DYSF: variants seen among roughly 807,000 people sequenced by gnomAD.
DYSF encodes dystrophy-associated fer-1-like 1.
In DYSF, 212 loss-of-function variants were observed where a neutral mutation model predicts 274.9. The ratio of observed to expected loss-of-function variants is 0.77; its 90% confidence interval spans 0.69 to 0.86. DYSF has a LOEUF of 0.86. Ranked by LOEUF, DYSF falls within the 40% of genes least tolerant of loss-of-function variation. The pLI, the probability that DYSF is intolerant of heterozygous loss-of-function variation, is 0.00. For missense variants in DYSF, 2,666 were observed against 2,783.2 expected (o/e 0.96, Z 0.95); for synonymous variants, 1,091 against 1,078.7 (o/e 1.01, Z -0.22).
At chr2:71,553,483 G>C (rs912350115) in intron 20 of DYSF, among the ~76,000 whole-genome samples, 4 of 152,292 alleles carry the variant, frequency 2.6e-5, no homozygotes, top group African/African-American at 9.6e-5. Flanking sequence ...TGTGGCCTTG[G>C]GTTTCCCAGG....
chr2:71,496,039 T>G (rs1011135653), intron 3 of DYSF, among the ~76,000 whole-genome samples: 6 of 151,468 alleles, frequency 4.0e-5, no homozygotes, highest in Non-Finnish European at 8.8e-5. Flanking sequence ...CTCTTCCACC[T>G]CCCCTCCCTC....
At chr2:71,485,573 G>A (rs1447239414) in intron 3 of DYSF, among the ~76,000 whole-genome samples, 3 of 152,126 alleles carry the variant, frequency 2.0e-5, no homozygotes, top group South Asian at 2.1e-4. Context: ...AGGCAGGTGC[G>A]ATGCCTCAGG....
chr2:71,516,865 A>T, intron 9 of DYSF, 124 bp from the exon 10 acceptor site: 1 of 893,788 alleles, frequency 1.1e-6, no homozygotes, highest in Non-Finnish European at 1.9e-6. Flanking sequence ...TGCTTAGAAC[A>T]GTCTCTGGAA....
At chr2:71,577,631 C>T (rs926314251) in intron 30 of DYSF, among the ~76,000 whole-genome samples, 1 of 151,906 alleles carries the variant, frequency 6.6e-6, no homozygotes, top group Non-Finnish European at 1.5e-5. Flanking sequence ...GACATACACT[C>T]TCTTACACTC....
Position 71,553,882 on chromosome 2 carries a change from G to T in DYSF, c.2060G>T (p.Ser687Ile). 6.2e-7 allele frequency: 1 copy of T among 1,614,134 alleles called. No individual in the cohort carries two copies. Among genetic ancestry groups the T allele is most frequent in the South Asian group, 1.1e-5 (1 of 91,086 alleles). Reference sequence around the variant, plus strand: ...CTGTCATCCTACTGGGAGGACATCAGCCATAGAATCGAGACTCAGAACCAG... The same window carrying T: ...CTGTCATCCTACTGGGAGGACATCATCCATAGAATCGAGACTCAGAACCAG... The part of the protein sequence containing the change: ...VVLSSYWEDI[S>I]HRIETQNQLL... The change falls in exon 21 of 56, where the codon AGC becomes ATC. Residue 687 changes from serine to isoleucine, a missense_variant. Physicochemically the swap from Ser to Ile is moderately radical, Grantham distance 142. Around this residue, in one of 3 missense-constraint regions of DYSF, gnomAD observed 412 missense variants for 504.0 expected, o/e 0.82. Coordinates refer to ENST00000410020, the MANE Select transcript of DYSF (RefSeq NM_001130987.2).
At position 71,667,405 on chromosome 2, in the gene DYSF, G is replaced by A. The variant is rs759748127; in HGVS notation, c.5347G>A (p.Gly1783Ser). ...EAGRIPNPHLGPVEERLALHV... is the reference protein window; with the variant it reads ...EAGRIPNPHLSPVEERLALHV... ...TGGCAGGATCCCAAACCCACACCTGGGCCCAGTGGAGGAGCGTCTGGCTCT... is the reference window on the plus strand; with the variant it reads ...TGGCAGGATCCCAAACCCACACCTGAGCCCAGTGGAGGAGCGTCTGGCTCT... The change falls in exon 48 of 56, where the codon GGC becomes AGC. Residue 1783 changes from glycine (G) to serine (S), a missense_variant. By Grantham distance (56) the Gly-to-Ser change is moderately conservative. Coordinates refer to ENST00000410020, the MANE Select transcript of DYSF (RefSeq NM_001130987.2). 1 of 1,614,116 alleles carries A rather than the reference G, an allele frequency of 6.2e-7. No individual in the cohort carries two copies. The highest frequency in any genetic ancestry group is 1.7e-5 in the Admixed American group (1 of 60,018).
At chr2:71,549,470 A>G in intron 17 of DYSF, 1 of 1,444,154 alleles carries the variant, frequency 6.9e-7, no homozygotes, top group South Asian at 1.2e-5. Flanking sequence ...TGCTGGAGGC[A>G]TGGGGTTTTT....
chr2:71,580,203 TTGGCAGTCCTG>T (rs995376318), intron 30 of DYSF, among the ~76,000 whole-genome samples: 3 of 152,226 alleles, frequency 2.0e-5, no homozygotes, highest in African/African-American at 7.2e-5. Flanking sequence ...GCCAGGCAGC[TTGGCAGTCCTG>T]GGGCAGTCGG....
chr2:71,585,581 C>T (rs1297110391), intron 30 of DYSF, among the ~76,000 whole-genome samples: 1 of 152,206 alleles, frequency 6.6e-6, no homozygotes, highest in Non-Finnish European at 1.5e-5. Flanking sequence ...CCAGAATGTA[C>T]TTCAAAATCA....
rs777701226 is a variant in DYSF at position 71,665,194 on chromosome 2, G to A, written c.5207G>A (p.Arg1736His). 18 of 1,611,742 alleles carry A rather than the reference G, an allele frequency of 1.1e-5. No individual in the cohort carries two copies. The highest frequency in any genetic ancestry group is 4.4e-5 in the South Asian group (4 of 91,038). Residue 1736 changes from arginine (R) to histidine (H), a missense_variant, in exon 47 of 56, where the codon CGC (arginine) becomes CAC (histidine). By Grantham distance (29) the Arg-to-His change is conservative (BLOSUM62 0). Around this residue, in one of 3 missense-constraint regions of DYSF, gnomAD observed 1,460 missense variants for 1,502.1 expected, o/e 0.97. Transcript: ENST00000410020. ...SGPNQWRDQLRPSQLLHLFCQ... is the reference protein window; with the variant it reads ...SGPNQWRDQLHPSQLLHLFCQ... ...CCGAACCAGTGGCGGGACCAGCTCC[G>A]CCCCTCCCAGCTCCTCCACCTCTTC... is the stretch of plus-strand genomic sequence containing the variant.
rs147139414 is a variant in DYSF, at chr2:71,561,937, C to T, written c.2402C>T (p.Ala801Val). 9.3e-5 allele frequency: 150 copies of T among 1,613,614 alleles called. 1 individual carries two copies. The African/African-American group carries it at 1.6e-3, about 18-fold the overall frequency. ...TGGCTCCTGCGTCTGCGTGCCCTGG[C>T]AGAGGAGGTAATTAAGCCTGGGGGT... ...EDWLLRLRALAEEPQNSLPDI... is the reference protein window; with the variant it reads ...EDWLLRLRALVEEPQNSLPDI... Residue 801 changes from alanine to valine, a missense_variant, in exon 23 of 56, where the codon GCA becomes GTA. Ala to Val is a moderately conservative substitution (Grantham distance 64, BLOSUM62 0). Coordinates refer to ENST00000410020, the MANE Select transcript of DYSF (RefSeq NM_001130987.2).
intron 30 of DYSF, among the ~76,000 whole-genome samples, chr2:71,589,326 C>T (rs2093176980): frequency 6.6e-6 from 1 of 152,176 alleles, no homozygotes; most frequent in African/African-American, 2.4e-5. Flanking sequence ...ATCTCTTTGC[C>T]TGGAACAACT....
chr2:71,638,601 A>C (rs2094442128), intron 41 of DYSF, among the ~76,000 whole-genome samples: 1 of 152,196 alleles, frequency 6.6e-6, no homozygotes, highest in South Asian at 2.1e-4. Context: ...TTTGTGATTA[A>C]ATTCTTTCAC....
intron 24 of DYSF, among the ~76,000 whole-genome samples, chr2:71,567,642 G>A (rs537384523): frequency 6.6e-6 from 1 of 152,314 alleles, no homozygotes; most frequent in East Asian, 1.9e-4. Context: ...GGCTGTGGTG[G>A]GAGAAGGGGA....
intron 40 of DYSF, among the ~76,000 whole-genome samples, chr2:71,616,025 C>T (rs1188242235): frequency 6.6e-6 from 1 of 152,184 alleles, no homozygotes; most frequent in Non-Finnish European, 1.5e-5. Flanking sequence ...CTCCGTGACA[C>T]CTTCTCTCTG....
chr2:71,543,546 A>C (rs1249821457), intron 17 of DYSF, among the ~76,000 whole-genome samples: 1 of 152,172 alleles, frequency 6.6e-6, no homozygotes, highest in South Asian at 2.1e-4. Context: ...GCCGAGATCA[A>C]GCCACTGCAC....
intron 29 of DYSF, among the ~76,000 whole-genome samples, chr2:71,571,520 CTCACACCCAGCACACACACA>C (rs1323621014): frequency 1.4e-4 from 14 of 99,322 alleles, no homozygotes; most frequent in South Asian, 3.5e-4. Context: ...CCACACACAG[CTCACACCCAGCACACACACA>C]TCACACCCAG....
chr2:71,497,901 A>G (rs2084570788), intron 3 of DYSF, among the ~76,000 whole-genome samples: 1 of 152,164 alleles, frequency 6.6e-6, no homozygotes, highest in African/African-American at 2.4e-5. Flanking sequence ...AACTAAAACT[A>G]AGGTCTGAGT....
intron 17 of DYSF, among the ~76,000 whole-genome samples, chr2:71,545,755 T>C (rs1478066144): frequency 1.3e-5 from 2 of 152,140 alleles, no homozygotes; most frequent in Admixed American, 6.6e-5. Flanking sequence ...AGCCCCCTGA[T>C]GGAGAGTTAA....
Sources: allele counts gnomAD v4.1 joint callset (sites outside exome capture counted in the v4.1 genomes callset), GRCh38; gene constraint gnomAD v4.1.1; regional missense constraint gnomAD v4.1.1; transcripts MANE v1.5; gene names NCBI Gene and HGNC (gene_info 2026-07-23, HGNC 2026-07-21).